The following IGSF11 variants were observed in gnomAD, a reference collection of about 807,000 sequenced individuals.
IGSF11 encodes immunoglobulin superfamily member 11.
In IGSF11, 22 loss-of-function variants were observed where a neutral mutation model predicts 41.0. That is an observed-to-expected ratio of 0.54 (90% CI 0.38 to 0.77). The LOEUF (loss-of-function observed/expected upper bound fraction) is 0.77, where lower values mean the gene tolerates loss of function less well. Ranked by LOEUF, IGSF11 falls within the 30% of genes least tolerant of loss-of-function variation. The pLI is 0.00. For missense variants in IGSF11, 444 were observed against 530.8 expected, an observed-to-expected ratio of 0.84 and a Z score of 1.61; for synonymous variants, 219 against 201.3, an observed-to-expected ratio of 1.09 and a Z score of -0.74.
At chr3:119,133,252 C>A (rs2077509489) in intron 1 of IGSF11, among the ~76,000 whole-genome samples, 1 of 152,064 alleles carries the variant, frequency 6.6e-6, no homozygotes, top group African/African-American at 2.4e-5. Context: ...CACAAAAAAA[C>A]CCTTCAAAAA....
intron 1 of IGSF11, among the ~76,000 whole-genome samples, chr3:119,103,000 T>TTC (rs1251304090): frequency 9.8e-6 from 1 of 101,656 alleles, no homozygotes; most frequent in Non-Finnish European, 2.6e-5. Flanking sequence ...TTGGCCAATT[T>TTC]TTTTTTTTTT....
At chr3:119,006,418 C>T (rs1209470955) in intron 1 of IGSF11, among the ~76,000 whole-genome samples, 10 of 108,542 alleles carry the variant, frequency 9.2e-5, no homozygotes, top group Non-Finnish European at 1.4e-4. Flanking sequence ...AATGTCCTCC[C>T]GTAGCTCAGA....
intron 1 of IGSF11, among the ~76,000 whole-genome samples, chr3:119,072,002 T>G (rs1206797658): frequency 6.6e-6 from 1 of 152,200 alleles, no homozygotes; most frequent in Non-Finnish European, 1.5e-5. Flanking sequence ...ATTCTTTAAT[T>G]TCTTCAGGAA....
chr3:118,948,047 C>A (rs1372387125), intron 1 of IGSF11: 1 of 152,074 alleles, frequency 6.6e-6, no homozygotes, highest in Non-Finnish European at 1.5e-5. Context: ...TATGAACCAG[C>A]AATTCTATCC....
rs527627387 is a variant in IGSF11, at chr3:119,053,675, T to C, written c.49+51469A>G. Reference sequence around the variant, plus strand: ...GAGCTAGAAAAAATAATCCTAAAATTTGTATGGAACCAAAAAAGGCCCTGC... The same window carrying C: ...GAGCTAGAAAAAATAATCCTAAAATCTGTATGGAACCAAAAAAGGCCCTGC... On this transcript the variant is annotated intron_variant, in intron 1 of 6. Coordinates refer to the IGSF11 transcript ENST00000354673. Among the ~76,000 whole-genome samples, 11 of 152,216 alleles carry C rather than the reference T, an allele frequency of 7.2e-5. No homozygotes were observed. In the East Asian group the frequency reaches 2.1e-3, roughly 29 times the overall value.
intron 1 of IGSF11, among the ~76,000 whole-genome samples, chr3:118,933,247 A>G (rs1047763492): frequency 5.9e-5 from 9 of 152,148 alleles, no homozygotes; most frequent in Non-Finnish European, 1.0e-4. Flanking sequence ...ACTTTCATCT[A>G]TTTAGCTGCA....
At chr3:119,011,723 C>A (rs961485082) in intron 1 of IGSF11, among the ~76,000 whole-genome samples, 3 of 152,212 alleles carry the variant, frequency 2.0e-5, no homozygotes, top group Non-Finnish European at 4.4e-5. Context: ...CCATCTATTG[C>A]AGGCATAACA....
At chr3:119,132,461 GA>G (rs968946505) in intron 1 of IGSF11, among the ~76,000 whole-genome samples, 1 of 145,362 alleles carries the variant, frequency 6.9e-6, no homozygotes, top group Non-Finnish European at 1.5e-5. Flanking sequence ...CAACAAAGAT[GA>G]AAAGGGACAA....
intron 1 of IGSF11, among the ~76,000 whole-genome samples, chr3:118,953,590 G>C (rs560240262): frequency 1.3e-5 from 2 of 151,896 alleles, no homozygotes; most frequent in Admixed American, 1.3e-4. Flanking sequence ...TTTTATTATG[G>C]CCATTCTTGC....
intron 1 of IGSF11, among the ~76,000 whole-genome samples, chr3:118,974,595 C>T (rs888470978): frequency 1.3e-5 from 2 of 152,160 alleles, no homozygotes; most frequent in African/African-American, 4.8e-5. Context: ...GTTGCAGTAC[C>T]TAATCTTCTG....
At chr3:119,001,134 A>C (rs1936786221) in intron 1 of IGSF11, among the ~76,000 whole-genome samples, 5 of 151,718 alleles carry the variant, frequency 3.3e-5, no homozygotes, top group Admixed American at 3.3e-4. Flanking sequence ...GCATCCTTCA[A>C]TTCGCCTATA....
At chr3:119,135,213 G>T (rs557993457) in intron 1 of IGSF11, among the ~76,000 whole-genome samples, 3 of 152,158 alleles carry the variant, frequency 2.0e-5, no homozygotes, top group Non-Finnish European at 4.4e-5. Context: ...TTGACAAATG[G>T]GATCTAATTA....
chr3:119,030,109 T>C (rs1055417158), intron 1 of IGSF11, among the ~76,000 whole-genome samples: 1 of 152,206 alleles, frequency 6.6e-6, no homozygotes, highest in South Asian at 2.1e-4. Flanking sequence ...TTTCTAAATA[T>C]AAGTGTCCTC....
At chr3:119,136,884 T>G (rs141266199) in intron 1 of IGSF11, among the ~76,000 whole-genome samples, 1,932 of 152,102 alleles carry the variant, frequency 0.013, 30 homozygotes, top group African/African-American at 0.045. Flanking sequence ...TTAGTAAAGA[T>G]GCAAAATACA....
At chr3:119,099,874 C>CT (rs1215285383) in intron 1 of IGSF11, among the ~76,000 whole-genome samples, 4 of 152,166 alleles carry the variant, frequency 2.6e-5, no homozygotes, top group African/African-American at 9.7e-5. Context: ...CAGTAGATGC[C>CT]TGAAACTCTG....
intron 1 of IGSF11, among the ~76,000 whole-genome samples, chr3:118,985,531 T>C (rs1450363982): frequency 6.6e-6 from 1 of 152,178 alleles, no homozygotes; most frequent in East Asian, 1.9e-4. Context: ...TTCCCTCCCC[T>C]TGGATAACAT....
intron 1 of IGSF11, among the ~76,000 whole-genome samples, chr3:119,092,738 G>A (rs890715206): frequency 5.3e-5 from 8 of 152,128 alleles, no homozygotes; most frequent in African/African-American, 1.9e-4. Flanking sequence ...AGTCCTGCAA[G>A]CTCCATTCAT....
At chr3:118,938,046 T>A (rs1943411554) in intron 1 of IGSF11, among the ~76,000 whole-genome samples, 1 of 140,382 alleles carries the variant, frequency 7.1e-6, no homozygotes, top group African/African-American at 3.3e-5. Context: ...ATAAAATGTG[T>A]GTGTGTGTGT....
intron 1 of IGSF11, among the ~76,000 whole-genome samples, chr3:119,010,715 T>C (rs757617120): frequency 9.8e-5 from 15 of 152,316 alleles, no homozygotes; most frequent in Admixed American, 3.3e-4. Flanking sequence ...GACTCTCAAC[T>C]TCCAATGCTG....
Sources: allele counts gnomAD v4.1 joint callset (sites outside exome capture counted in the v4.1 genomes callset), GRCh38; gene constraint gnomAD v4.1.1; transcripts MANE v1.5; gene names NCBI Gene and HGNC (gene_info 2026-07-23, HGNC 2026-07-21).